Variants in POLR3G observed in about 807,000 individuals in gnomAD.
The protein encoded by POLR3G is RNA polymerase III subunit G.
A neutral mutation model predicts 30.1 loss-of-function variants in POLR3G; 28 were observed. That is an observed-to-expected ratio of 0.93 (90% confidence interval 0.69 to 1.27). POLR3G has a LOEUF of 1.27. Ranked by LOEUF, POLR3G falls within the 50% of genes most tolerant of loss-of-function variation. The pLI, the probability that POLR3G is intolerant of heterozygous loss-of-function variation, is 0.00. For missense variants in POLR3G, 254 were observed against 264.6 expected (o/e 0.96, Z 0.28); for synonymous variants, 79 against 82.5 (o/e 0.96, Z 0.23).
intron 2 of POLR3G, among the ~76,000 whole-genome samples, chr5:90,486,000 T>G (rs1174453560): frequency 6.6e-6 from 1 of 152,158 alleles, no homozygotes; most frequent in Non-Finnish European, 1.5e-5. Context: ...AGTCATTAGG[T>G]TTTATAATGG....
intron 1 of POLR3G, among the ~76,000 whole-genome samples, chr5:90,481,716 T>C (rs1352248077): frequency 1.3e-5 from 2 of 152,172 alleles, no homozygotes; most frequent in Non-Finnish European, 2.9e-5. Context: ...TTAAATGTCA[T>C]GTATTTTTTA....
chr5:90,508,513 A>G (rs1752594672), intron 7 of POLR3G, among the ~76,000 whole-genome samples: 1 of 152,012 alleles, frequency 6.6e-6, no homozygotes, highest in African/African-American at 2.4e-5. Context: ...TTCCCATTGT[A>G]AAATATGTTG....
At chr5:90,474,366 A>C, upstream of POLR3G, 4 of 1,376,036 alleles carry the variant, frequency 2.9e-6, no homozygotes, top group South Asian at 3.6e-5. Flanking sequence ...CACACAGGGC[A>C]CTGCGGCTGT....
intron 1 of POLR3G, among the ~76,000 whole-genome samples, chr5:90,481,749 CTG>C (rs1751133066): frequency 6.6e-6 from 1 of 152,052 alleles, no homozygotes; most frequent in African/African-American, 2.4e-5. Context: ...AACAAATTAA[CTG>C]TAAAAACATT....
chr5:90,493,032 A>G (rs1751808563), intron 3 of POLR3G, among the ~76,000 whole-genome samples: 1 of 152,214 alleles, frequency 6.6e-6, no homozygotes, highest in African/African-American at 2.4e-5. Context: ...AGAGGAAATT[A>G]TAAGTTAGAA....
intron 6 of POLR3G, 77 bp from the exon 7 acceptor site, chr5:90,506,451 C>T: frequency 1.3e-6 from 2 of 1,502,316 alleles, no homozygotes. Context: ...TGATAGATAA[C>T]TGTTCCCTTA....
At chr5:90,475,911 A>G (rs746356287) in intron 1 of POLR3G, among the ~76,000 whole-genome samples, 2 of 152,140 alleles carry the variant, frequency 1.3e-5, no homozygotes, top group Admixed American at 6.5e-5. Flanking sequence ...GGGTTTCACC[A>G]TGTTGGCCAG....
At chr5:90,500,216 G>A (rs1364944299) in intron 5 of POLR3G, among the ~76,000 whole-genome samples, 2 of 151,994 alleles carry the variant, frequency 1.3e-5, no homozygotes, top group Non-Finnish European at 2.9e-5. Context: ...TGTCCTTTAT[G>A]TTAAGATGTC....
intron 6 of POLR3G, among the ~76,000 whole-genome samples, chr5:90,503,056 A>G (rs11743030): frequency 0.42 from 63,492 of 151,916 alleles, 13,619 homozygotes; most frequent in Middle Eastern, 0.49. Context: ...GGTTATACCA[A>G]TTTACTACCG....
chr5:90,488,849 G>C (rs114319081), intron 3 of POLR3G, among the ~76,000 whole-genome samples: 2,158 of 152,254 alleles, frequency 0.014, 59 homozygotes, highest in African/African-American at 0.05. Context: ...TAGTTGGAGA[G>C]GGCTCAACAG....
chr5:90,477,681 T>C (rs1440116181), intron 1 of POLR3G, among the ~76,000 whole-genome samples: 1 of 152,220 alleles, frequency 6.6e-6, no homozygotes, highest in Non-Finnish European at 1.5e-5. Context: ...CATTTATTCA[T>C]GGAGCTGACG....
At chr5:90,483,780 G>T (rs562202533) in intron 1 of POLR3G, among the ~76,000 whole-genome samples, 2 of 152,126 alleles carry the variant, frequency 1.3e-5, no homozygotes, top group Non-Finnish European at 2.9e-5. Flanking sequence ...AAATTAAATT[G>T]GCTGTCTAAA....
intron 3 of POLR3G, among the ~76,000 whole-genome samples, chr5:90,490,067 A>G (rs1751641632): frequency 6.6e-6 from 1 of 152,028 alleles, no homozygotes; most frequent in South Asian, 2.1e-4. Flanking sequence ...AGATTATGTC[A>G]CTGCACTGCA....
intron 1 of POLR3G, among the ~76,000 whole-genome samples, chr5:90,478,980 A>T (rs758297442): frequency 8.6e-6 from 1 of 115,690 alleles, no homozygotes; most frequent in Non-Finnish European, 1.9e-5. Context: ...AGTGATTCCA[A>T]TGTGCAGCCA....
chr5:90,490,858 T>C (rs895890486), intron 3 of POLR3G: 1 of 160,188 alleles, frequency 6.2e-6, no homozygotes, highest in Non-Finnish European at 1.4e-5. Flanking sequence ...ATATCCATGC[T>C]ATGAGTGAAA....
chr5:90,484,143 G>A (rs568153077), intron 1 of POLR3G, among the ~76,000 whole-genome samples: 1 of 152,302 alleles, frequency 6.6e-6, no homozygotes, highest in South Asian at 2.1e-4. Flanking sequence ...GTTCAGTTCA[G>A]TGATTCACAG....
rs1187271672 is a variant in POLR3G, at chr5:90,513,558, T to G, written c.*1419T>G. Reference sequence around the variant, plus strand: ...AACATGTTTTCCTCACAAAATATATTGTAATCTGATTTTCCTATCTTGTAT... The same window carrying G: ...AACATGTTTTCCTCACAAAATATATGGTAATCTGATTTTCCTATCTTGTAT... On this transcript the variant is annotated 3_prime_UTR_variant, in exon 8 of 8. Coordinates refer to ENST00000651687, the MANE Select transcript of POLR3G (RefSeq NM_006467.3). 1 of 152,526 alleles carries G rather than the reference T, an allele frequency of 6.6e-6. No homozygotes were observed. Among genetic ancestry groups the G allele is most frequent in the African/African-American group, 2.4e-5 (1 of 41,472 alleles). 9.4% of individuals were successfully genotyped at this position (152,526 alleles called of 1,614,324 possible).
At chr5:90,483,982 G>A (rs1751281710) in intron 1 of POLR3G, among the ~76,000 whole-genome samples, 1 of 152,106 alleles carries the variant, frequency 6.6e-6, no homozygotes, top group Non-Finnish European at 1.5e-5. Context: ...TTCTACATGT[G>A]TATTTTAACT....
In POLR3G at chr5:90,487,287, A is replaced by G. The variant is rs559228964; in HGVS notation, c.118-713A>G. On this transcript the variant is annotated intron_variant, in intron 2 of 7. Coordinates refer to ENST00000651687, the MANE Select transcript of POLR3G (RefSeq NM_006467.3). ...TTTTTTATTTATTTATTTTTTTCCAATAATACCACCACTAGCTGAGGTTAA... is the reference window on the plus strand; with the variant it reads ...TTTTTTATTTATTTATTTTTTTCCAGTAATACCACCACTAGCTGAGGTTAA... Among the ~76,000 whole-genome samples the G allele has an allele frequency of 4.0e-5, 6 of 150,406 alleles. 1 individual carries two copies. In the East Asian group the frequency reaches 1.2e-3, roughly 29 times the overall value.
Sources: gnomAD v4.1 joint callset for allele counts (sites outside exome capture counted in the v4.1 genomes callset) on GRCh38, gnomAD v4.1.1 for gene constraint, MANE v1.5 for transcripts, NCBI Gene and HGNC (gene_info 2026-07-23, HGNC 2026-07-21) for gene names.